RYR3: variants seen among roughly 807,000 people sequenced by gnomAD.
RYR3 encodes ryanodine receptor 3, also known as brain ryanodine receptor-calcium release channel.
RYR3 carries 207 observed loss-of-function variants against 584.3 expected under a neutral mutation model. That is an observed-to-expected ratio of 0.35 (90% CI 0.32 to 0.40). The LOEUF (loss-of-function observed/expected upper bound fraction) is 0.40. Among genes scored for constraint, RYR3 ranks in the 10% least tolerant of loss-of-function variants. RYR3 has a pLI of 1.00. For synonymous variants in RYR3, 2,416 were observed against 2,248.5 expected, an observed-to-expected ratio of 1.07 and a Z score of -2.11; for missense variants, 5,616 against 6,089.2, an observed-to-expected ratio of 0.92 and a Z score of 2.59.
intron 86 of RYR3, 21 bp from the exon 87 acceptor site, chr15:33,834,947 A>G: frequency 6.2e-7 from 1 of 1,604,730 alleles, no homozygotes; most frequent in Non-Finnish European, 8.5e-7. Flanking sequence ...AAGTGACATA[A>G]GAATGTCCTC....
Position 33,333,346 on chromosome 15 carries a change from C to G in RYR3, c.51+22250C>G, listed in dbSNP as rs150941492. 1.4e-3 allele frequency among the ~76,000 whole-genome samples: 210 copies of G among 152,180 alleles called. 1 individual carries two copies. Among genetic ancestry groups the G allele is most frequent in the Non-Finnish European group, 2.5e-3 (171 of 67,998 alleles). On this transcript the variant is annotated intron_variant, in intron 1 of 103. Coordinates refer to ENST00000634891, the MANE Select transcript of RYR3 (RefSeq NM_001036.6). Reference sequence around the variant, plus strand: ...TGGCAAACCAAATCTAGCAGCACATCAAAAATCAGGTAGGCATCATCTCCA... The same window carrying G: ...TGGCAAACCAAATCTAGCAGCACATGAAAAATCAGGTAGGCATCATCTCCA...
intron 99 of RYR3, chr15:33,858,330 T>C: frequency 5.7e-6 from 1 of 175,112 alleles, no homozygotes; most frequent in Non-Finnish European, 1.2e-5. Context: ...TCAGCCTCCC[T>C]AGTAGCTGGG....
intron 46 of RYR3, 108 bp from the exon 47 acceptor site, chr15:33,728,747 AAT>A (rs1198414965): frequency 3.0e-6 from 3 of 1,013,072 alleles, no homozygotes; most frequent in Non-Finnish European, 4.0e-6. Context: ...TTTTTCCAAA[AAT>A]TCTTGTCCCT....
At position 33,613,277 on chromosome 15, in the gene RYR3, C is replaced by T. The variant is rs759252909; in HGVS notation, c.2259C>T (p.Ile753=). 3 of 1,613,862 alleles carry T rather than the reference C, an allele frequency of 1.9e-6. No individual in the cohort carries two copies. The highest frequency in any genetic ancestry group is 2.5e-6 in the Non-Finnish European group (3 of 1,179,860). ...GCCTGGACCTCGGGGTGCCCAGCAT[C>T]TCATTCCGCATCAATGGGCAGCCCG... The part of the protein sequence containing the change: ...SCCLDLGVPS[I]SFRINGQPVQ... Residue 753 remains isoleucine, a synonymous_variant, in exon 19 of 104, where the codon ATC becomes ATT. Transcript: ENST00000634891.
intron 1 of RYR3, among the ~76,000 whole-genome samples, chr15:33,394,886 G>A (rs2042208234): frequency 6.6e-6 from 1 of 152,126 alleles, no homozygotes; most frequent in Non-Finnish European, 1.5e-5. Flanking sequence ...AATGTGAAAG[G>A]TAAGGAGAGC....
rs113353270 is a variant in RYR3 at position 33,694,674 on chromosome 15, GC to G, written c.5861-1541del. On this transcript the variant is annotated intron_variant, in intron 38 of 103. Coordinates refer to ENST00000634891, the MANE Select transcript of RYR3 (RefSeq NM_001036.6). ...TGAGGAAACAGGTTTCTGACAAGGA[GC>G]CCAGCATAGCCCTTAAATGACTTTG... 9.2e-3 allele frequency among the ~76,000 whole-genome samples: 1,404 copies of G among 152,308 alleles called. 18 individuals are homozygous for G. The highest frequency in any genetic ancestry group is 0.032 in the African/African-American group (1,330 of 41,556).
intron 1 of RYR3, among the ~76,000 whole-genome samples, chr15:33,425,850 G>T (rs189372905): frequency 5.2e-4 from 79 of 152,100 alleles, no homozygotes; most frequent in Middle Eastern, 3.4e-3. Context: ...CACCGTGTTA[G>T]CCAGGATGGT....
chr15:33,773,349 T>C (rs9972307), intron 63 of RYR3, among the ~76,000 whole-genome samples, 185 bp from the exon 64 acceptor site: 1 of 150,508 alleles, frequency 6.6e-6, no homozygotes, highest in Non-Finnish European at 1.5e-5. Flanking sequence ...TTTCCTATAT[T>C]TTTTTTTTCC....
At chr15:33,457,385 A>G (rs1283318549) in intron 1 of RYR3, among the ~76,000 whole-genome samples, 2 of 152,248 alleles carry the variant, frequency 1.3e-5, no homozygotes, top group South Asian at 2.1e-4. Context: ...AATGTAATGT[A>G]TATACGCAAT....
At chr15:33,665,778 T>A (rs2152713075) in intron 36 of RYR3, among the ~76,000 whole-genome samples, 1 of 152,326 alleles carries the variant, frequency 6.6e-6, no homozygotes, top group South Asian at 2.1e-4. Flanking sequence ...GTGCAAATAA[T>A]CTTTTCCAGT....
chr15:33,687,999 A>T (rs907598995), intron 38 of RYR3, among the ~76,000 whole-genome samples: 1 of 152,224 alleles, frequency 6.6e-6, no homozygotes, highest in Non-Finnish European at 1.5e-5. Context: ...GGACGTAAGC[A>T]TGGGTAAGGA....
intron 5 of RYR3, among the ~76,000 whole-genome samples, chr15:33,535,154 G>A (rs1039286231): frequency 1.3e-5 from 2 of 152,210 alleles, no homozygotes; most frequent in South Asian, 2.1e-4. Context: ...GGGTTCCAAT[G>A]TTGGGTAGCC....
chr15:33,696,445 G>A lies in RYR3; in HGVS notation c.6088G>A (p.Val2030Ile). The stretch of plus-strand genomic sequence containing the variant: ...GGGCCAAATCCGCTCCCTCCTCAGT[G>A]TCAGGATGGGCAAGGAAGAGGAGTT... ...ALGQIRSLLS[V>I]RMGKEEELLM... The change falls in exon 39 of 104, where the codon GTC becomes ATC. Residue 2030 changes from valine to isoleucine, a missense_variant. Val to Ile is a conservative substitution (Grantham distance 29, BLOSUM62 3). Around this residue, in one of 9 missense-constraint regions of RYR3, gnomAD observed 1,280 missense variants for 1,426.2 expected, o/e 0.90. Transcript: ENST00000634891. 6.2e-7 allele frequency: 1 copy of A among 1,613,990 alleles called. No individual in the cohort carries two copies.
chr15:33,513,153 TATTA>T (rs1488202949), intron 3 of RYR3, among the ~76,000 whole-genome samples: 1 of 152,264 alleles, frequency 6.6e-6, no homozygotes, highest in Non-Finnish European at 1.5e-5. Context: ...TCAGTTTATT[TATTA>T]GAGTTTTCCT....
intron 47 of RYR3, among the ~76,000 whole-genome samples, chr15:33,729,499 C>T (rs540810346): frequency 2.6e-4 from 40 of 152,288 alleles, no homozygotes; most frequent in African/African-American, 9.1e-4. Context: ...ACTCTTCACA[C>T]TCTCGCTTCT....
intron 7 of RYR3, 50 bp from the exon 8 acceptor site, chr15:33,543,572 C>T: frequency 8.6e-7 from 1 of 1,166,636 alleles, no homozygotes; most frequent in Non-Finnish European, 1.3e-6. Flanking sequence ...ATATGCCATT[C>T]TCTTCATTAA....
At chr15:33,495,741 C>G (rs994219335) in intron 2 of RYR3, among the ~76,000 whole-genome samples, 1 of 152,136 alleles carries the variant, frequency 6.6e-6, no homozygotes, top group South Asian at 2.1e-4. Context: ...GTAACTTTCT[C>G]CATTATAAAC....
chr15:33,859,612 G>GA lies in RYR3; in HGVS notation c.14181dup (p.Gly4728ArgfsTer5). ...CACATGTACGTGGGAGTGAGAGCAGGAGGTGGCATTGGTGATGAAATTGAA... is the reference window on the plus strand; with the variant it reads ...CACATGTACGTGGGAGTGAGAGCAGGAAGGTGGCATTGGTGATGAAATTGAA... On this transcript the variant is annotated frameshift_variant, in exon 100 of 104. Transcript: ENST00000634891. LOFTEE classifies it high-confidence loss of function. The GA allele has an allele frequency of 6.2e-7, 1 of 1,614,054 alleles. No homozygotes were observed. The highest frequency in any genetic ancestry group is 8.5e-7 in the Non-Finnish European group (1 of 1,179,900).
chr15:33,835,734 A>T (rs1175990818), intron 87 of RYR3, among the ~76,000 whole-genome samples: 2 of 152,194 alleles, frequency 1.3e-5, no homozygotes, highest in Non-Finnish European at 2.9e-5. Flanking sequence ...CTCTTCTGGA[A>T]TGTGCTATTT....
Sources: allele counts gnomAD v4.1 joint callset (sites outside exome capture counted in the v4.1 genomes callset), GRCh38; gene constraint gnomAD v4.1.1; regional missense constraint gnomAD v4.1.1; transcripts MANE v1.5; gene names NCBI Gene and HGNC (gene_info 2026-07-23, HGNC 2026-07-21).